CCSER1: variants seen among roughly 807,000 people sequenced by gnomAD.
CCSER1 encodes serine-rich coiled-coil domain-containing protein 1.
In CCSER1, 41 loss-of-function variants were observed where a neutral mutation model predicts 82.0. The observed-to-expected ratio is 0.50, with a 90% CI of 0.39 to 0.65. The LOEUF (loss-of-function observed/expected upper bound fraction) is 0.65. Ranked by LOEUF, CCSER1 falls within the 30% of genes least tolerant of loss-of-function variation. CCSER1 has a pLI of 0.00. For missense variants in CCSER1, 1,119 were observed against 1,064.2 expected (o/e 1.05, Z -0.72); for synonymous variants, 414 against 383.9 (o/e 1.08, Z -0.92).
intron 1 of CCSER1, among the ~76,000 whole-genome samples, chr4:90,189,748 G>A (rs543804362): frequency 1.1e-4 from 16 of 151,870 alleles, no homozygotes; most frequent in South Asian, 2.1e-4. Flanking sequence ...GCTCTTAAAC[G>A]TTTAGTTTCT....
chr4:91,037,223 C>T lies in CCSER1; in HGVS notation c.2173-48727C>T, dbSNP rs2150568752. Among the ~76,000 whole-genome samples the T allele has an allele frequency of 1.4e-5, 2 of 140,102 alleles. 1 individual carries two copies. Among genetic ancestry groups the T allele is most frequent in the African/African-American group, 5.4e-5 (2 of 37,346 alleles). 91.9% of individuals were successfully genotyped at this position (140,102 alleles called of 152,430 possible). On this transcript the variant is annotated intron_variant, in intron 9 of 10. Coordinates refer to ENST00000509176, the MANE Select transcript of CCSER1 (RefSeq NM_001145065.2). The stretch of plus-strand genomic sequence containing the variant: ...CCCAACACACAATCTTTGTGTCTTT[C>T]TATCTCTGTCACACACACACACACA...
intron 9 of CCSER1, among the ~76,000 whole-genome samples, chr4:91,071,195 A>C (rs1483755900): frequency 6.6e-6 from 1 of 152,234 alleles, no homozygotes; most frequent in Non-Finnish European, 1.5e-5. Flanking sequence ...AGCAACTGGT[A>C]TAATTTAGAA....
At chr4:90,828,684 A>T (rs1445907487) in intron 8 of CCSER1, among the ~76,000 whole-genome samples, 1 of 152,156 alleles carries the variant, frequency 6.6e-6, no homozygotes, top group Non-Finnish European at 1.5e-5. Context: ...TTTACTGTCA[A>T]ATGTGGCTTT....
At chr4:90,772,300 TGA>T (rs1029072732) in intron 7 of CCSER1, among the ~76,000 whole-genome samples, 1 of 152,126 alleles carries the variant, frequency 6.6e-6, no homozygotes, top group Non-Finnish European at 1.5e-5. Context: ...CATAAATGTC[TGA>T]GAGAAAATAT....
intron 8 of CCSER1, among the ~76,000 whole-genome samples, chr4:90,874,765 T>TGGC (rs1766980476): frequency 6.6e-6 from 1 of 152,048 alleles, no homozygotes. Flanking sequence ...AAAACAAAAT[T>TGGC]GGCTGGGTGT....
chr4:91,163,844 T>C (rs1311084901), intron 10 of CCSER1, among the ~76,000 whole-genome samples: 2 of 152,170 alleles, frequency 1.3e-5, no homozygotes, highest in African/African-American at 2.4e-5. Context: ...TGAGATGGGT[T>C]TCCTGAATAC....
intron 6 of CCSER1, chr4:90,663,864 G>A (rs1429644909): frequency 2.7e-6 from 1 of 365,972 alleles, no homozygotes. Context: ...TCAAGGATGA[G>A]TGTTTCCAAT....
chr4:91,436,889 A>T (rs183368681), intron 10 of CCSER1, among the ~76,000 whole-genome samples: 1 of 152,326 alleles, frequency 6.6e-6, no homozygotes, highest in Admixed American at 6.5e-5. Flanking sequence ...ATTGAAAATA[A>T]CCAAAAGCCA....
At chr4:91,013,696 G>C (rs575368299) in intron 9 of CCSER1, among the ~76,000 whole-genome samples, 1 of 125,390 alleles carries the variant, frequency 8.0e-6, no homozygotes, top group African/African-American at 2.6e-5. Context: ...TCCGCCTCCC[G>C]GGTTCACGCC....
At chr4:91,045,418 T>C (rs1255795605) in intron 9 of CCSER1, among the ~76,000 whole-genome samples, 3 of 152,186 alleles carry the variant, frequency 2.0e-5, no homozygotes, top group Admixed American at 6.5e-5. Flanking sequence ...ATTTTCACAA[T>C]TAGGTTTCTG....
chr4:91,272,835 C>T (rs1742139547), intron 10 of CCSER1, among the ~76,000 whole-genome samples: 1 of 152,178 alleles, frequency 6.6e-6, no homozygotes, highest in Admixed American at 6.5e-5. Context: ...ATCCCAACAC[C>T]ATTTTTTGAA....
intron 10 of CCSER1, among the ~76,000 whole-genome samples, chr4:91,574,317 G>A (rs1763336170): frequency 6.6e-6 from 1 of 151,998 alleles, no homozygotes. Flanking sequence ...AATTGGTTTA[G>A]CCACTGTGGA....
chr4:90,532,662 T>C (rs906205399), intron 5 of CCSER1, among the ~76,000 whole-genome samples: 1 of 152,228 alleles, frequency 6.6e-6, no homozygotes, highest in Admixed American at 6.5e-5. Flanking sequence ...AGATATGTTA[T>C]TCTGCTTCTC....
chr4:90,659,570 A>G (rs946919343), intron 6 of CCSER1, among the ~76,000 whole-genome samples: 1 of 152,110 alleles, frequency 6.6e-6, no homozygotes, highest in African/African-American at 2.4e-5. Flanking sequence ...GTGGGCTCCA[A>G]AAGTTATTAT....
intron 8 of CCSER1, among the ~76,000 whole-genome samples, chr4:90,824,562 G>C (rs559299582): frequency 1.6e-4 from 25 of 152,078 alleles, no homozygotes; most frequent in Admixed American, 5.2e-4. Context: ...TGAATAAAAT[G>C]GTATGCCCTT....
chr4:91,457,008 G>A (rs1484458534), intron 10 of CCSER1, among the ~76,000 whole-genome samples: 2 of 152,154 alleles, frequency 1.3e-5, no homozygotes, highest in East Asian at 3.9e-4. Flanking sequence ...AATTTAGGAA[G>A]TATTCGTTGA....
intron 8 of CCSER1, among the ~76,000 whole-genome samples, chr4:90,859,455 A>G (rs1023342182): frequency 6.6e-6 from 1 of 151,830 alleles, no homozygotes; most frequent in African/African-American, 2.4e-5. Flanking sequence ...TGATTCATAA[A>G]CACTGACAAA....
intron 10 of CCSER1, among the ~76,000 whole-genome samples, chr4:91,154,319 G>C (rs111429213): frequency 0.012 from 1,857 of 152,180 alleles, 38 homozygotes; most frequent in African/African-American, 0.043. Flanking sequence ...CCAGGCACGG[G>C]ATATAATCTC....
chr4:90,753,473 A>T (rs1027743108), intron 7 of CCSER1, among the ~76,000 whole-genome samples: 1 of 152,150 alleles, frequency 6.6e-6, no homozygotes, highest in Admixed American at 6.6e-5. Flanking sequence ...ATAGAAATTC[A>T]TACTTGATTT....
Sources: gnomAD v4.1 joint callset for allele counts (sites outside exome capture counted in the v4.1 genomes callset) on GRCh38, gnomAD v4.1.1 for gene constraint, MANE v1.5 for transcripts, NCBI Gene and HGNC (gene_info 2026-07-23, HGNC 2026-07-21) for gene names.